The following DNAH8 variants were observed in gnomAD, a reference collection of about 807,000 sequenced individuals.
DNAH8 encodes the protein dynein axonemal heavy chain 8.
In DNAH8, 382 loss-of-function variants were observed where a neutral mutation model predicts 562.1. That is an observed-to-expected ratio of 0.68 (90% CI 0.63 to 0.74). DNAH8 has a LOEUF of 0.74. DNAH8 is among the 30% of genes least tolerant of loss of function. The pLI is 0.00. For synonymous variants in DNAH8, 1,881 were observed against 1,919.4 expected (o/e 0.98, Z 0.52); for missense variants, 5,203 against 5,620.4 (o/e 0.93, Z 2.37).
intron 79 of DNAH8, 104 bp downstream of exon 79, chr6:38,939,092 T>C (rs1783223575): frequency 1.1e-6 from 1 of 886,548 alleles, no homozygotes; most frequent in Admixed American, 2.7e-5. Context: ...GGAAATGATG[T>C]TCTAACGAAA....
chr6:38,879,724 T>TGG (rs34360817), intron 53 of DNAH8, among the ~76,000 whole-genome samples: 18 of 152,088 alleles, frequency 1.2e-4, no homozygotes, highest in Admixed American at 5.9e-4. Flanking sequence ...GCCAGTGCAG[T>TGG]GGGGGGCAAA....
chr6:38,966,352 A>C (rs1273710719), intron 82 of DNAH8, among the ~76,000 whole-genome samples: 1 of 152,196 alleles, frequency 6.6e-6, no homozygotes, highest in Non-Finnish European at 1.5e-5. Context: ...TAATCAAAAA[A>C]TTCACACAAA....
rs546152077 is a variant in DNAH8, at chr6:38,724,546, G to A, written c.525+1075G>A. Among the ~76,000 whole-genome samples, 14 of 152,244 alleles carry A rather than the reference G, an allele frequency of 9.2e-5. No homozygotes were observed. In the South Asian group the frequency reaches 1.9e-3, roughly 20 times the overall value. On this transcript the variant is annotated intron_variant, in intron 3 of 92. Coordinates refer to ENST00000327475, the MANE Select transcript of DNAH8 (RefSeq NM_001206927.2). The stretch of plus-strand genomic sequence containing the variant: ...AGTAGAAATAGTGATGTGATTGCAG[G>A]TCAGGTTACTATATGTCTCAGTGTG...
chr6:38,906,147 T>TCCACC, intron 62 of DNAH8, 107 bp from the exon 63 acceptor site: 1 of 555,532 alleles, frequency 1.8e-6, no homozygotes, highest in Non-Finnish European at 3.1e-6. Flanking sequence ...GACCTCGTGA[T>TCCACC]CCACCCGCCT....
At chr6:38,899,735 C>T in intron 61 of DNAH8, 41 bp from the exon 62 acceptor site, 1 of 1,607,118 alleles carries the variant, frequency 6.2e-7, no homozygotes. Flanking sequence ...GTAAACATTG[C>T]ATTCTTTTTT....
intron 21 of DNAH8, among the ~76,000 whole-genome samples, chr6:38,794,868 A>ATTTT (rs34990318): frequency 6.6e-6 from 1 of 151,572 alleles, no homozygotes; most frequent in Non-Finnish European, 1.5e-5. Context: ...ATTCTTGTAA[A>ATTTT]TTTTTTTTTG....
At chr6:38,871,759 T>A (rs937926234) in intron 49 of DNAH8, among the ~76,000 whole-genome samples, 1 of 152,146 alleles carries the variant, frequency 6.6e-6, no homozygotes, top group African/African-American at 2.4e-5. Context: ...TCGCTTCTAA[T>A]AGCAAAAGGA....
rs763629274 is a variant in DNAH8 at position 38,938,173 on chromosome 6, G to GTA, written c.11765_11766dup (p.Gln3923IlefsTer9). ...CAGAGATGAGCATGGTCAACATCAT[G>GTA]TATCAGACGTCATTGGCCCAGTTCT... On this transcript the variant is annotated frameshift_variant, in exon 78 of 93. Coordinates refer to ENST00000327475, the MANE Select transcript of DNAH8 (RefSeq NM_001206927.2). LOFTEE classifies it high-confidence loss of function. 1 of 1,614,018 alleles carries GTA rather than the reference G, an allele frequency of 6.2e-7. No individual in the cohort carries two copies. Among genetic ancestry groups the GTA allele is most frequent in the Admixed American group, 1.7e-5 (1 of 60,020 alleles).
chr6:38,715,925 A>AATATATATAT (rs1206266759), intron 1 of DNAH8, among the ~76,000 whole-genome samples: 3 of 36,886 alleles, frequency 8.1e-5, no homozygotes, highest in Non-Finnish European at 1.4e-4. Context: ...TAAATAAATA[A>AATATATATAT]ATATATATAT....
Position 38,810,260 on chromosome 6 carries a change from T to G in DNAH8, c.3257+2544T>G, listed in dbSNP as rs182857015. Among the ~76,000 whole-genome samples the G allele has an allele frequency of 3.9e-3, 589 of 152,314 alleles. 9 individuals are homozygous for G. Among genetic ancestry groups the G allele is most frequent in the African/African-American group, 0.014 (570 of 41,570 alleles). On this transcript the variant is annotated intron_variant, in intron 24 of 92. Transcript: ENST00000327475. Reference sequence around the variant, plus strand: ...TCTGTACTTCAGTTCTTTAAGTGATTACCCTTAACTTTAGAATGCACATAT... The same window carrying G: ...TCTGTACTTCAGTTCTTTAAGTGATGACCCTTAACTTTAGAATGCACATAT...
At chr6:38,819,626 G>T (rs952027517) in intron 26 of DNAH8, among the ~76,000 whole-genome samples, 81 of 152,120 alleles carry the variant, frequency 5.3e-4, no homozygotes, top group African/African-American at 1.8e-3. Context: ...ATTTTTATTT[G>T]ATAGTTTACT....
At chr6:38,765,816 A>C (rs551620260) in intron 11 of DNAH8, among the ~76,000 whole-genome samples, 266 of 152,340 alleles carry the variant, frequency 1.7e-3, no homozygotes, top group Non-Finnish European at 3.4e-3. Flanking sequence ...CTACTACAGA[A>C]AAAGACAAAT....
At chr6:38,873,701 A>G (rs1283412673) in intron 52 of DNAH8, among the ~76,000 whole-genome samples, 1 of 150,220 alleles carries the variant, frequency 6.7e-6, no homozygotes, top group East Asian at 1.9e-4. Context: ...TAAATTTTAA[A>G]ATAAATAAAA....
intron 81 of DNAH8, among the ~76,000 whole-genome samples, chr6:38,950,661 G>A (rs538579893): frequency 1.3e-5 from 2 of 152,102 alleles, no homozygotes; most frequent in East Asian, 1.9e-4. Context: ...GGATGGTCTC[G>A]ATCTCCTAAC....
intron 82 of DNAH8, among the ~76,000 whole-genome samples, chr6:38,952,291 T>TAAAGGACA (rs1475527134): frequency 1.3e-5 from 2 of 152,128 alleles, no homozygotes; most frequent in African/African-American, 4.8e-5. Context: ...TCAGTAGGAT[T>TAAAGGACA]AAAGGACAGG....
In DNAH8 at chr6:38,790,288, G is replaced by T; in HGVS notation, c.2665-1G>T. 2 of 1,572,552 alleles carry T rather than the reference G, an allele frequency of 1.3e-6. No homozygotes were observed. The highest frequency in any genetic ancestry group is 1.7e-6 in the Non-Finnish European group (2 of 1,145,362). Reference sequence around the variant, plus strand: ...AGCAGTTGTGTTTTTACCGTTTCTAGGTGGAATCTGTGTTGAGGCAAGGAC... The same window carrying T: ...AGCAGTTGTGTTTTTACCGTTTCTATGTGGAATCTGTGTTGAGGCAAGGAC... On this transcript the variant is annotated splice_acceptor_variant, in intron 19 of 92. Coordinates refer to ENST00000327475, the MANE Select transcript of DNAH8 (RefSeq NM_001206927.2). LOFTEE classifies it high-confidence loss of function.
chr6:38,923,003 T>C, intron 71 of DNAH8, 55 bp from the exon 72 acceptor site: 1 of 1,561,954 alleles, frequency 6.4e-7, no homozygotes, highest in Non-Finnish European at 8.7e-7. Context: ...ATAATGGATG[T>C]TTGTGTTAAG....
Position 38,823,545 on chromosome 6 carries a change from C to A in DNAH8, c.3721-17C>A. 6.4e-7 allele frequency: 1 copy of A among 1,573,268 alleles called. No individual in the cohort carries two copies. The highest frequency in any genetic ancestry group is 8.7e-7 in the Non-Finnish European group (1 of 1,148,428). Reference sequence around the variant, plus strand: ...TACTGTTAAAAAATTAAAATATTGACTATTTTCTTACCACAGGAATTTTTG... The same window carrying A: ...TACTGTTAAAAAATTAAAATATTGAATATTTTCTTACCACAGGAATTTTTG... On this transcript the variant is annotated splice_polypyrimidine_tract_variant and intron_variant, in intron 27 of 92. Coordinates refer to ENST00000327475, the MANE Select transcript of DNAH8 (RefSeq NM_001206927.2).
At position 38,842,775 on chromosome 6, in the gene DNAH8, G is replaced by A. The variant is rs375089340; in HGVS notation, c.4717G>A (p.Ala1573Thr). Residue 1573 changes from alanine to threonine, a missense_variant, in exon 35 of 93, where the codon GCC becomes ACC. Ala to Thr is a moderately conservative substitution (Grantham distance 58). Around this residue, in one of 6 missense-constraint regions of DNAH8, gnomAD observed 2,176 missense variants for 2,365.1 expected, o/e 0.92. Coordinates refer to ENST00000327475, the MANE Select transcript of DNAH8 (RefSeq NM_001206927.2). ...TCTACTGGAAATGATGACCAATAAG[G>A]CCATGAAACAGAGACACTGGGATAG... ...CPLLEMMTNK[A>T]MKQRHWDRIS... 3.1e-6 allele frequency: 5 copies of A among 1,613,780 alleles called. No individual in the cohort carries two copies. Among genetic ancestry groups the A allele is most frequent in the East Asian group, 2.2e-5 (1 of 44,834 alleles).
Sources: gnomAD v4.1 joint callset for allele counts (sites outside exome capture counted in the v4.1 genomes callset) on GRCh38, gnomAD v4.1.1 for gene constraint, gnomAD v4.1.1 regional missense constraint, MANE v1.5 for transcripts, NCBI Gene and HGNC (gene_info 2026-07-23, HGNC 2026-07-21) for gene names.